Variants in FGF1 observed in about 807,000 individuals in gnomAD.
The protein encoded by FGF1 is beta-endothelial cell growth factor.
Under a neutral mutation model 13.4 loss-of-function variants are expected in FGF1, and 9 were observed. That is an observed-to-expected ratio of 0.67 (90% confidence interval 0.40 to 1.17). The LOEUF (loss-of-function observed/expected upper bound fraction) is 1.17, where lower values mean the gene tolerates loss of function less well. Among genes scored for constraint, FGF1 ranks in the 50% most tolerant of loss-of-function variants. The pLI is 0.01. For missense variants in FGF1, 156 were observed against 192.7 expected, an observed-to-expected ratio of 0.81 and a Z score of 1.13; for synonymous variants, 93 against 79.0, an observed-to-expected ratio of 1.18 and a Z score of -0.94.
intron 1 of FGF1, among the ~76,000 whole-genome samples, chr5:142,652,785 G>A (rs34968183): frequency 0.037 from 5,580 of 152,276 alleles, 121 homozygotes; most frequent in South Asian, 0.042. Flanking sequence ...TCATCACCTC[G>A]TCATAGTGCA....
intron 1 of FGF1, among the ~76,000 whole-genome samples, chr5:142,618,296 G>T (rs1211589525): frequency 2.0e-5 from 3 of 152,146 alleles, no homozygotes; most frequent in Non-Finnish European, 4.4e-5. Context: ...CTCTGGAAGG[G>T]AACCTGAACT....
At chr5:142,684,227 C>A (rs555334773) in intron 1 of FGF1, among the ~76,000 whole-genome samples, 4 of 152,314 alleles carry the variant, frequency 2.6e-5, no homozygotes, top group South Asian at 4.1e-4. Context: ...GATGTCCCTT[C>A]AATGTAGATA....
At chr5:142,682,596 C>A (rs754681365) in intron 1 of FGF1, among the ~76,000 whole-genome samples, 1 of 152,166 alleles carries the variant, frequency 6.6e-6, no homozygotes, top group Non-Finnish European at 1.5e-5. Flanking sequence ...GGATCCCAGG[C>A]AGCCCAGCTA....
rs115829095 is a variant in FGF1, at chr5:142,612,072, G to A, written c.169+1887C>T. On this transcript the variant is annotated intron_variant, in intron 2 of 3. Transcript: ENST00000337706. The stretch of plus-strand genomic sequence containing the variant: ...CAAATGAGAAAAGTGAGGGTGAAAG[G>A]TGCAGTTGCCCAAGTTCACTTGGAA... Among the ~76,000 whole-genome samples, 461 of 152,318 alleles carry A rather than the reference G, an allele frequency of 3.0e-3. 1 individual carries two copies. Among genetic ancestry groups the A allele is most frequent in the African/African-American group, 0.01 (424 of 41,572 alleles).
In FGF1 at chr5:142,618,921, GTTGTTTTGTTTTT is replaced by G. The variant is rs1434066253; in HGVS notation, c.-34-4773_-34-4761del. On this transcript the variant is annotated intron_variant, in intron 1 of 3. Coordinates refer to ENST00000337706, the MANE Select transcript of FGF1 (RefSeq NM_000800.5). ...GGCAAACACTGACATTTATTTTTTA[GTTGTTTTGTTTTT>G]TTTTTTTTTTTTTTTTTTGAGACGG... Among the ~76,000 whole-genome samples, 436 of 108,378 alleles carry G rather than the reference GTTGTTTTGTTTTT, an allele frequency of 4.0e-3. 15 individuals carry two copies. Among genetic ancestry groups the G allele is most frequent in the African/African-American group, 0.014 (415 of 30,680 alleles). The allele number at this position is 108,378 out of a possible 152,430, so 71.1% of individuals were successfully genotyped here. A position where few individuals can be genotyped will look rare whatever the true frequency, so the allele number is the denominator to read the frequency against.
chr5:142,606,856 G>A (rs1159241248), intron 2 of FGF1, among the ~76,000 whole-genome samples: 2 of 152,200 alleles, frequency 1.3e-5, no homozygotes, highest in Non-Finnish European at 2.9e-5. Context: ...GGAGGACTCT[G>A]AGTGATAGGA....
chr5:142,691,317 G>C (rs552325760), intron 2 of FGF1, among the ~76,000 whole-genome samples: 2 of 152,052 alleles, frequency 1.3e-5, no homozygotes, highest in East Asian at 3.9e-4. Context: ...AGCTACTCAG[G>C]AGGCTGAGGC....
chr5:142,643,036 A>G (rs191373393), intron 1 of FGF1, among the ~76,000 whole-genome samples: 1 of 152,244 alleles, frequency 6.6e-6, no homozygotes, highest in Admixed American at 6.5e-5. Context: ...ATAAGGAAAA[A>G]CCAAGTTTTT....
chr5:142,632,212 C>T (rs753926152), intron 1 of FGF1, among the ~76,000 whole-genome samples: 1 of 152,204 alleles, frequency 6.6e-6, no homozygotes, highest in Non-Finnish European at 1.5e-5. Context: ...GATGCTGCCT[C>T]CTGTCTGCTG....
intron 1 of FGF1, among the ~76,000 whole-genome samples, chr5:142,683,610 T>C (rs576214014): frequency 1.3e-5 from 2 of 152,026 alleles, no homozygotes; most frequent in South Asian, 2.1e-4. Context: ...TCACCTGACA[T>C]TGGGAGTTAG....
chr5:142,656,305 T>C (rs143850204), intron 1 of FGF1, among the ~76,000 whole-genome samples: 1 of 152,190 alleles, frequency 6.6e-6, no homozygotes, highest in Non-Finnish European at 1.5e-5. Flanking sequence ...GGTTAATAAG[T>C]GTTACTATGT....
chr5:142,672,885 C>T lies in FGF1; in HGVS notation c.-35+13072G>A, dbSNP rs184474507. On this transcript the variant is annotated intron_variant, in intron 1 of 3. Coordinates refer to ENST00000337706, the MANE Select transcript of FGF1 (RefSeq NM_000800.5). ...TATAGTTAGGAGTTTGACCAGCTTC[C>T]GGACCTGACCCTCTGCTCCTACCGT... is the stretch of plus-strand genomic sequence containing the variant. 6.3e-4 allele frequency among the ~76,000 whole-genome samples: 96 copies of T among 152,248 alleles called. 1 individual carries two copies. Among genetic ancestry groups the T allele is most frequent in the African/African-American group, 2.0e-3 (83 of 41,556 alleles).
intron 2 of FGF1, among the ~76,000 whole-genome samples, chr5:142,692,394 G>C (rs1247512554): frequency 6.6e-6 from 1 of 152,160 alleles, no homozygotes; most frequent in Non-Finnish European, 1.5e-5. Flanking sequence ...GAACCATTGA[G>C]AGACTTCTCA....
chr5:142,609,952 G>A (rs1758689809), intron 2 of FGF1, among the ~76,000 whole-genome samples: 1 of 152,210 alleles, frequency 6.6e-6, no homozygotes, highest in Non-Finnish European at 1.5e-5. Context: ...TAACACAGAT[G>A]TGTTTATTGA....
intron 1 of FGF1, among the ~76,000 whole-genome samples, chr5:142,641,853 C>G (rs1038741907): frequency 2.0e-5 from 3 of 150,250 alleles, no homozygotes; most frequent in African/African-American, 7.5e-5. Flanking sequence ...GATGATAAAA[C>G]TGAGATCTTG....
Position 142,638,018 on chromosome 5 carries a change from C to G in FGF1, c.-34-23857G>C, listed in dbSNP as rs1000583381. On this transcript the variant is annotated intron_variant, in intron 1 of 3. Coordinates refer to ENST00000337706, the MANE Select transcript of FGF1 (RefSeq NM_000800.5). ...TACTCAGCAAATGGTCATTAAGAAT[C>G]TACTATGTTCTGGCTGCATCCTCAG... Among the ~76,000 whole-genome samples the G allele has an allele frequency of 4.6e-5, 7 of 152,106 alleles. No homozygotes were observed. In the East Asian group the frequency reaches 7.7e-4, roughly 17 times the overall value.
chr5:142,622,220 C>A (rs1450869371), intron 1 of FGF1, among the ~76,000 whole-genome samples: 2 of 152,234 alleles, frequency 1.3e-5, no homozygotes, highest in African/African-American at 2.4e-5. Flanking sequence ...ACTTCACTGA[C>A]TCCTTCATTA....
chr5:142,595,522 T>G, intron 3 of FGF1, 38 bp from the exon 4 acceptor site: 1 of 1,567,204 alleles, frequency 6.4e-7, no homozygotes, highest in Non-Finnish European at 8.7e-7. Context: ...GGACAATCAG[T>G]GAGTAGTTTC....
chr5:142,618,924 G>GCTTT (rs1760817454), intron 1 of FGF1, among the ~76,000 whole-genome samples: 1 of 78,324 alleles, frequency 1.3e-5, no homozygotes, highest in Non-Finnish European at 2.7e-5. Context: ...TTTTTTAGTT[G>GCTTT]TTTTGTTTTT....
Sources: allele counts gnomAD v4.1 joint callset (sites outside exome capture counted in the v4.1 genomes callset), GRCh38; gene constraint gnomAD v4.1.1; transcripts MANE v1.5; gene names NCBI Gene and HGNC (gene_info 2026-07-23, HGNC 2026-07-21).